The following RBFOX1 variants were observed in gnomAD, a reference collection of about 807,000 sequenced individuals.
The protein encoded by RBFOX1 is RNA binding fox-1 homolog 1, also known as RNA binding protein fox-1 homolog 1.
In RBFOX1, 8 loss-of-function variants were observed where a neutral mutation model predicts 57.7. The observed-to-expected ratio is 0.14, with a 90% confidence interval of 0.08 to 0.25. The LOEUF is 0.25. Among genes scored for constraint, RBFOX1 ranks in the 10% least tolerant of loss-of-function variants. The probability of loss-of-function intolerance (pLI) is 1.00; values close to 1 mark genes in which losing one functional copy is unlikely to be tolerated. For synonymous variants in RBFOX1, 326 were observed against 222.4 expected (o/e 1.47, Z -4.15); for missense variants, 611 against 548.5 (o/e 1.11, Z -1.14).
intron 11 of RBFOX1, among the ~76,000 whole-genome samples, chr16:7,648,276 T>G (rs571100871): frequency 2.6e-5 from 4 of 152,106 alleles, no homozygotes; most frequent in Non-Finnish European, 5.9e-5. Context: ...CTGGAGTGCA[T>G]TGGCGCGATT....
intron 3 of RBFOX1, among the ~76,000 whole-genome samples, chr16:5,775,704 C>G (rs1232163266): frequency 6.6e-6 from 1 of 152,210 alleles, no homozygotes; most frequent in Non-Finnish European, 1.5e-5. Flanking sequence ...GTTTGATACT[C>G]TGAATCCTTA....
chr16:7,696,000 A>G (rs574630247), intron 14 of RBFOX1, among the ~76,000 whole-genome samples: 1 of 152,314 alleles, frequency 6.6e-6, no homozygotes, highest in South Asian at 2.1e-4. Context: ...TAAGCAGTAG[A>G]ACAGCAGCAT....
chr16:7,027,056 C>A (rs1366640058), intron 3 of RBFOX1, among the ~76,000 whole-genome samples: 1 of 152,130 alleles, frequency 6.6e-6, no homozygotes, highest in African/African-American at 2.4e-5. Context: ...CAATAGGACC[C>A]TTGCTGAGAT....
intron 3 of RBFOX1, among the ~76,000 whole-genome samples, chr16:6,990,691 G>T (rs180864954): frequency 1.3e-5 from 2 of 152,040 alleles, no homozygotes; most frequent in Non-Finnish European, 2.9e-5. Flanking sequence ...GTTTTGCACC[G>T]ACCTAATAGT....
intron 1 of RBFOX1, among the ~76,000 whole-genome samples, chr16:6,249,412 C>G (rs373507065): frequency 6.8e-4 from 103 of 152,140 alleles, no homozygotes; most frequent in Admixed American, 1.7e-3. Flanking sequence ...GTAATCCCAG[C>G]TACTCGGGAG....
At chr16:6,981,116 T>G (rs773732782) in intron 3 of RBFOX1, among the ~76,000 whole-genome samples, 8 of 151,730 alleles carry the variant, frequency 5.3e-5, no homozygotes, top group Non-Finnish European at 1.0e-4. Context: ...GTAAACTCTT[T>G]TTTTATTTTT....
chr16:6,275,970 T>G (rs1296645416), intron 1 of RBFOX1, among the ~76,000 whole-genome samples: 1 of 152,224 alleles, frequency 6.6e-6, no homozygotes, highest in Non-Finnish European at 1.5e-5. Flanking sequence ...ATTGCCTTAA[T>G]TCATTGATTG....
chr16:7,526,304 T>A (rs2078693962), intron 5 of RBFOX1, among the ~76,000 whole-genome samples: 1 of 152,156 alleles, frequency 6.6e-6, no homozygotes, highest in South Asian at 2.1e-4. Flanking sequence ...GACCAATGGC[T>A]TAGAATTCTC....
At chr16:7,010,036 A>C (rs1238280414) in intron 3 of RBFOX1, among the ~76,000 whole-genome samples, 1 of 152,148 alleles carries the variant, frequency 6.6e-6, no homozygotes, top group Admixed American at 6.5e-5. Flanking sequence ...TCTTAAGAAA[A>C]AAAAAATGCA....
chr16:6,859,116 T>C lies in RBFOX1; in HGVS notation c.-15-192941T>C, dbSNP rs2058433139. 2.9e-5 allele frequency among the ~76,000 whole-genome samples: 2 copies of C among 68,354 alleles called. 1 individual carries two copies. The highest frequency in any genetic ancestry group is 1.9e-4 in the African/African-American group (2 of 10,374). 44.8% of individuals were successfully genotyped at this position (68,354 alleles called of 152,430 possible). A position where few individuals can be genotyped will look rare whatever the true frequency, so the allele number is the denominator to read the frequency against. ...TGTATTGTCCTAAAAAAAGTGTATA[T>C]ATATATATATATACATATATATACG... On this transcript the variant is annotated intron_variant, in intron 3 of 15. Transcript: ENST00000550418.
intron 2 of RBFOX1, among the ~76,000 whole-genome samples, chr16:6,353,214 G>A (rs755091104): frequency 1.3e-5 from 2 of 152,020 alleles, no homozygotes; most frequent in South Asian, 4.2e-4. Flanking sequence ...AAGGACAATG[G>A]GAAATGCTGC....
chr16:5,697,001 C>G lies in RBFOX1; in HGVS notation c.318+98040C>G, dbSNP rs545974409. 6.6e-5 allele frequency among the ~76,000 whole-genome samples: 10 copies of G among 152,176 alleles called. No homozygotes were observed. The South Asian group carries it at 1.7e-3, about 25-fold the overall frequency. ...AGTCTTGACTCACTGCGTCCTCTGCCTCCTGGATTGAAGCAATTCTCATGC... is the reference window on the plus strand; with the variant it reads ...AGTCTTGACTCACTGCGTCCTCTGCGTCCTGGATTGAAGCAATTCTCATGC... On this transcript the variant is annotated intron_variant, in intron 3 of 19. Coordinates refer to the RBFOX1 transcript ENST00000641259.
intron 2 of RBFOX1, among the ~76,000 whole-genome samples, chr16:5,505,749 G>A (rs1381684590): frequency 6.6e-6 from 1 of 152,132 alleles, no homozygotes. Flanking sequence ...GACCCATTCT[G>A]CCACACTTGT....
intron 3 of RBFOX1, among the ~76,000 whole-genome samples, chr16:5,654,899 A>G (rs1244811697): frequency 6.6e-6 from 1 of 152,102 alleles, no homozygotes; most frequent in East Asian, 1.9e-4. Context: ...GAAAGGGATG[A>G]AATGCTCTCT....
intron 3 of RBFOX1, among the ~76,000 whole-genome samples, chr16:6,893,582 C>G (rs983248516): frequency 2.0e-5 from 3 of 152,094 alleles, no homozygotes; most frequent in Non-Finnish European, 4.4e-5. Context: ...ATTTAGACCA[C>G]AAAGAATCTC....
intron 4 of RBFOX1, among the ~76,000 whole-genome samples, chr16:7,066,936 T>A (rs978767169): frequency 1.3e-5 from 2 of 152,328 alleles, no homozygotes; most frequent in African/African-American, 4.8e-5. Context: ...TGTGGTAGTT[T>A]ATATACCAAA....
intron 2 of RBFOX1, among the ~76,000 whole-genome samples, chr16:5,539,532 T>C (rs1597448397): frequency 6.6e-6 from 1 of 150,588 alleles, no homozygotes. Flanking sequence ...ACCTGGGAGG[T>C]GGAGGTTATA....
At chr16:5,255,106 A>G (rs1354991222) in intron 1 of RBFOX1, among the ~76,000 whole-genome samples, 2 of 152,138 alleles carry the variant, frequency 1.3e-5, no homozygotes, top group Admixed American at 6.6e-5. Context: ...TTAGTTGTCA[A>G]TGCCAGTTTT....
chr16:5,514,873 T>A (rs1198579352), intron 2 of RBFOX1, among the ~76,000 whole-genome samples: 2 of 152,078 alleles, frequency 1.3e-5, no homozygotes, highest in African/African-American at 4.8e-5. Flanking sequence ...TGATTCTGGG[T>A]AATTTATAAA....
Sources: gnomAD v4.1 joint callset for allele counts (sites outside exome capture counted in the v4.1 genomes callset) on GRCh38, gnomAD v4.1.1 for gene constraint, MANE v1.5 for transcripts, NCBI Gene and HGNC (gene_info 2026-07-23, HGNC 2026-07-21) for gene names.